Variants in BAIAP2L1 observed in about 807,000 individuals in gnomAD.
The protein encoded by BAIAP2L1 is BAR/IMD domain-containing adapter protein 2-like 1.
BAIAP2L1 carries 35 observed loss-of-function variants against 66.3 expected under a neutral mutation model. The ratio of observed to expected loss-of-function variants is 0.53; its 90% CI spans 0.40 to 0.70. BAIAP2L1 has a LOEUF of 0.70. BAIAP2L1 is among the 30% of genes least tolerant of loss of function. The pLI is 0.00. For synonymous variants in BAIAP2L1, 269 were observed against 248.7 expected (o/e 1.08, Z -0.77); for missense variants, 622 against 656.9 (o/e 0.95, Z 0.58).
At chr7:98,303,828 G>T (rs959237551) in intron 12 of BAIAP2L1, among the ~76,000 whole-genome samples, 1 of 152,226 alleles carries the variant, frequency 6.6e-6, no homozygotes, top group East Asian at 1.9e-4. Flanking sequence ...CACTTTTAAT[G>T]TAAGCCTCTC....
intron 2 of BAIAP2L1, among the ~76,000 whole-genome samples, chr7:98,359,711 T>C (rs1385111142): frequency 2.7e-5 from 4 of 150,394 alleles, no homozygotes; most frequent in Non-Finnish European, 5.9e-5. Context: ...CACTGGTCTG[T>C]ACAATGCTCC....
At chr7:98,356,335 A>T (rs1052776289) in intron 2 of BAIAP2L1, among the ~76,000 whole-genome samples, 1 of 152,032 alleles carries the variant, frequency 6.6e-6, no homozygotes, top group Non-Finnish European at 1.5e-5. Flanking sequence ...TTTATTTGGA[A>T]TTTTACTCTA....
chr7:98,390,780 A>T (rs1261408742), intron 1 of BAIAP2L1, among the ~76,000 whole-genome samples: 3 of 152,086 alleles, frequency 2.0e-5, no homozygotes, highest in Non-Finnish European at 2.9e-5. Context: ...AGAGTTAACT[A>T]GTGCTTAATT....
chr7:98,365,712 TCAAG>T (rs1802376955), intron 1 of BAIAP2L1, among the ~76,000 whole-genome samples: 1 of 152,182 alleles, frequency 6.6e-6, no homozygotes, highest in African/African-American at 2.4e-5. Flanking sequence ...ACTCCTGAGC[TCAAG>T]CAATCTGCCC....
chr7:98,362,289 G>T, intron 2 of BAIAP2L1, 68 bp downstream of exon 2: 1 of 1,218,662 alleles, frequency 8.2e-7, no homozygotes, highest in Non-Finnish European at 1.2e-6. Flanking sequence ...TCAATACTAA[G>T]CATTTAAAAA....
chr7:98,311,016 G>C (rs1800849257), intron 8 of BAIAP2L1, among the ~76,000 whole-genome samples: 1 of 152,088 alleles, frequency 6.6e-6, no homozygotes, highest in Non-Finnish European at 1.5e-5. Flanking sequence ...TGGGCAGAAA[G>C]AGTGGATCCA....
At chr7:98,370,372 CA>C (rs397890051) in intron 1 of BAIAP2L1, among the ~76,000 whole-genome samples, 45 of 103,352 alleles carry the variant, frequency 4.4e-4, no homozygotes, top group Middle Eastern at 5.5e-3. Flanking sequence ...GGCTCCGTCT[CA>C]AAAAAAAAAA....
chr7:98,332,809 C>CAAAAAAA (rs55756451), intron 3 of BAIAP2L1, among the ~76,000 whole-genome samples: 2 of 83,706 alleles, frequency 2.4e-5, no homozygotes, highest in Non-Finnish European at 4.4e-5. Context: ...ACTTCGTCCC[C>CAAAAAAA]AAAAAAAAAA....
At chr7:98,325,008 GAGTC>G (rs1395149621) in intron 3 of BAIAP2L1, among the ~76,000 whole-genome samples, 1 of 152,188 alleles carries the variant, frequency 6.6e-6, no homozygotes, top group African/African-American at 2.4e-5. Context: ...ACTACAAGTG[GAGTC>G]AGACAGTAAA....
chr7:98,372,808 T>C (rs528495300), intron 1 of BAIAP2L1, among the ~76,000 whole-genome samples: 5 of 148,012 alleles, frequency 3.4e-5, no homozygotes, highest in African/African-American at 1.2e-4. Context: ...GCCAGTGGCC[T>C]GATCTCGGCT....
chr7:98,390,020 ATTC>A (rs35596303), intron 1 of BAIAP2L1, among the ~76,000 whole-genome samples: 56,482 of 149,744 alleles, frequency 0.38, 12,075 homozygotes, highest in Middle Eastern at 0.54. Flanking sequence ...GGTTCACACC[ATTC>A]TCCTGCTTCA....
At position 98,306,408 on chromosome 7, in the gene BAIAP2L1, AC is replaced by A. The variant is rs778532601; in HGVS notation, c.1241+30del. ...AAACGACAAGGCAGGGGTTTCTGTCACCGGGAGAGCTCAGCCACGTTCAGGG... is the reference window on the plus strand; with the variant it reads ...AAACGACAAGGCAGGGGTTTCTGTCACGGGAGAGCTCAGCCACGTTCAGGG... On this transcript the variant is annotated intron_variant, in intron 11 of 13. Transcript: ENST00000005260. 12 of 1,612,644 alleles carry A rather than the reference AC, an allele frequency of 7.4e-6. No homozygotes were observed. In the African/African-American group the frequency reaches 9.3e-5, roughly 13 times the overall value.
intron 12 of BAIAP2L1, 65 bp downstream of exon 12, chr7:98,304,131 C>G: frequency 6.8e-7 from 1 of 1,466,876 alleles, no homozygotes; most frequent in Admixed American, 2.5e-5. Context: ...CACCACAGGA[C>G]CTGCGCCTCC....
chr7:98,340,646 G>T (rs1339966924), intron 3 of BAIAP2L1, among the ~76,000 whole-genome samples: 3 of 152,110 alleles, frequency 2.0e-5, no homozygotes, highest in Admixed American at 1.3e-4. Flanking sequence ...CTTCAAAGCT[G>T]AGAGAAGGAA....
At chr7:98,357,048 TA>T (rs1167427196) in intron 2 of BAIAP2L1, among the ~76,000 whole-genome samples, 80 of 14,786 alleles carry the variant, frequency 5.4e-3, no homozygotes, top group Admixed American at 8.0e-3. Flanking sequence ...TATATATATA[TA>T]TTTTTTTTTT....
chr7:98,393,160 C>CAT (rs957963325), intron 1 of BAIAP2L1, among the ~76,000 whole-genome samples: 3 of 60,610 alleles, frequency 4.9e-5, no homozygotes, highest in Non-Finnish European at 1.0e-4. Context: ...TATATGTACA[C>CAT]ATATATGTAT....
intron 1 of BAIAP2L1, among the ~76,000 whole-genome samples, chr7:98,392,978 GATAT>G (rs1003504142): frequency 3.4e-5 from 5 of 148,742 alleles, no homozygotes; most frequent in South Asian, 2.1e-4. Flanking sequence ...TATATATATA[GATAT>G]ATATATGTAA....
At position 98,292,629 on chromosome 7, in the gene BAIAP2L1, C is replaced by T. The variant is rs181990452; in HGVS notation, c.*892G>A. 12,463 of 1,551,578 alleles carry T rather than the reference C, an allele frequency of 8.0e-3. 105 individuals carry two copies. The highest frequency in any genetic ancestry group is 0.023 in the South Asian group (1,960 of 84,056). ...ATGGCTGCTAGGCTGAAAAACCCGC[C>T]CTTCTCCAGGCACCAGAGGTCATCC... is the stretch of plus-strand genomic sequence containing the variant. On this transcript the variant is annotated 3_prime_UTR_variant, in exon 14 of 14. Transcript: ENST00000005260.
chr7:98,358,830 G>A (rs1318763943), intron 2 of BAIAP2L1, among the ~76,000 whole-genome samples: 1 of 152,174 alleles, frequency 6.6e-6, no homozygotes, highest in Non-Finnish European at 1.5e-5. Flanking sequence ...GCCCGTAGTA[G>A]ATTTTTACAG....
Sources: allele counts gnomAD v4.1 joint callset (sites outside exome capture counted in the v4.1 genomes callset), GRCh38; gene constraint gnomAD v4.1.1; transcripts MANE v1.5; gene names NCBI Gene and HGNC (gene_info 2026-07-23, HGNC 2026-07-21).